CDC42BPG: variants seen among roughly 807,000 people sequenced by gnomAD.
The protein encoded by CDC42BPG is serine/threonine-protein kinase MRCK gamma.
CDC42BPG carries 157 observed loss-of-function variants against 192.2 expected under a neutral mutation model. The ratio of observed to expected loss-of-function variants is 0.82; its 90% CI spans 0.72 to 0.93. The LOEUF is 0.93. CDC42BPG is among the 40% of genes least tolerant of loss of function. The pLI is 0.00. For missense variants in CDC42BPG, 1,992 were observed against 2,122.1 expected (o/e 0.94, Z 1.20); for synonymous variants, 981 against 918.5 (o/e 1.07, Z -1.23).
At chr11:64,830,338 GC>G (rs930290481) in intron 28 of CDC42BPG, 82 bp from the exon 29 acceptor site, 2 of 1,178,176 alleles carry the variant, frequency 1.7e-6, no homozygotes, top group African/African-American at 3.0e-5. Context: ...GCCCTGCTGT[GC>G]CTGTTTATCT....
At chr11:64,829,051 CAAACA>C (rs762921967) in intron 30 of CDC42BPG, among the ~76,000 whole-genome samples, 158 of 151,962 alleles carry the variant, frequency 1.0e-3, no homozygotes, top group Non-Finnish European at 1.8e-3. Context: ...TCCTCTGTCT[CAAACA>C]AAACAAAACA....
At chr11:64,842,628 C>T (rs1271657930) in intron 1 of CDC42BPG, among the ~76,000 whole-genome samples, 2 of 152,212 alleles carry the variant, frequency 1.3e-5, no homozygotes, top group Non-Finnish European at 2.9e-5. Flanking sequence ...TCTCTCACTC[C>T]CAGCCCTGCC....
intron 23 of CDC42BPG, 93 bp from the exon 24 acceptor site, chr11:64,833,429 C>G: frequency 1.0e-6 from 1 of 961,594 alleles, no homozygotes; most frequent in Non-Finnish European, 1.5e-6. Flanking sequence ...AGCCAGGCAA[C>G]AGTGACCTCC....
At chr11:64,836,707 G>GGGT (rs1555173113) in intron 11 of CDC42BPG, 32 bp downstream of exon 11, 9 of 603,792 alleles carry the variant, frequency 1.5e-5, no homozygotes, top group African/African-American at 5.6e-5. Flanking sequence ...ACTCAGCCCT[G>GGGT]GGGGGGGGGG....
Position 64,838,151 on chromosome 11 carries a change from T to C in CDC42BPG, c.1137A>G (p.Pro379=). The change falls in exon 9 of 37, where the codon CCA becomes CCG. Residue 379 remains proline, a synonymous_variant. Transcript: ENST00000342711. Reference sequence around the variant, plus strand: ...CGGAGAAGGCCCCGTGGGAGGGCGGTGGCAGGGTCCCCTGCAGAGGGAGAG... The same window carrying C: ...CGGAGAAGGCCCCGTGGGAGGGCGGCGGCAGGGTCCCCTGCAGAGGGAGAG... ...DDTLNHPGTL[P]PPSHGAFSGH... 6.4e-7 allele frequency: 1 copy of C among 1,552,514 alleles called. No homozygotes were observed. Among genetic ancestry groups the C allele is most frequent in the Non-Finnish European group, 8.7e-7 (1 of 1,148,696 alleles).
At position 64,833,844 on chromosome 11, in the gene CDC42BPG, T is replaced by C; in HGVS notation, c.2467-8A>G. On this transcript the variant is annotated splice_polypyrimidine_tract_variant and splice_region_variant and intron_variant, in intron 21 of 36. Coordinates refer to ENST00000342711, the MANE Select transcript of CDC42BPG (RefSeq NM_017525.3). The stretch of plus-strand genomic sequence containing the variant: ...GTCCTTGGCAGAATCCTTCTGGGGG[T>C]GGGAGAGAGAGGAGCAAAGTCAAGG... The C allele has an allele frequency of 6.2e-7, 1 of 1,614,092 alleles. No individual in the cohort carries two copies. Among genetic ancestry groups the C allele is most frequent in the East Asian group, 2.2e-5 (1 of 44,876 alleles).
intron 36 of CDC42BPG, among the ~76,000 whole-genome samples, chr11:64,826,114 C>T (rs1028524186): frequency 6.6e-6 from 1 of 151,630 alleles, no homozygotes; most frequent in Non-Finnish European, 1.5e-5. Context: ...TTCTGTGGCA[C>T]CTTCCCCATG....
chr11:64,830,428 G>C, intron 28 of CDC42BPG, 172 bp from the exon 29 acceptor site: 3 of 670,036 alleles, frequency 4.5e-6, no homozygotes, highest in Non-Finnish European at 8.0e-6. Context: ...GGCTTTTCCA[G>C]AGGGGTTGGG....
intron 30 of CDC42BPG, among the ~76,000 whole-genome samples, 189 bp from the exon 31 acceptor site, chr11:64,827,972 C>T (rs574922782): frequency 1.3e-5 from 2 of 152,196 alleles, no homozygotes; most frequent in African/African-American, 4.8e-5. Flanking sequence ...ATGCCTGGCT[C>T]AGTTCTAAAC....
Position 64,840,107 on chromosome 11 carries a change from G to C in CDC42BPG, c.581+13C>G, listed in dbSNP as rs751906304. On this transcript the variant is annotated intron_variant, in intron 5 of 36. Coordinates refer to ENST00000342711, the MANE Select transcript of CDC42BPG (RefSeq NM_017525.3). ...CAGCGGGGTTGGGCAGGGCAGCGGG[G>C]TTGGGGCCCCACCTGTGGACATAAC... The C allele has an allele frequency of 2.2e-5, 36 of 1,609,006 alleles. No individual in the cohort carries two copies. Among genetic ancestry groups the C allele is most frequent in the Non-Finnish European group, 3.0e-5 (35 of 1,178,104 alleles).
At chr11:64,836,717 G>GGGGGGGGGGGGA in intron 11 of CDC42BPG, 22 bp downstream of exon 11, 1 of 858,760 alleles carries the variant, frequency 1.2e-6, no homozygotes, top group Non-Finnish European at 1.7e-6. Context: ...GGGGGGGGGG[G>GGGGGGGGGGGGA]GGGGGTGGGC....
Position 64,832,836 on chromosome 11 carries a change from C to A in CDC42BPG, c.2855G>T (p.Gly952Val). 1 of 1,584,414 alleles carries A rather than the reference C, an allele frequency of 6.3e-7. No individual in the cohort carries two copies. Among genetic ancestry groups the A allele is most frequent in the Non-Finnish European group, 8.6e-7 (1 of 1,165,604 alleles). ...TCGGCCCCCACTCACCGACAGAAAG[C>A]CCTCATAGGCAGTGCCTGTGCCTGT... The part of the protein sequence containing the change: ...PETGTGTAYE[G>V]FLSVPRPSGV... The change falls in exon 25 of 37, where the codon GGC (glycine) becomes GTC (valine). Residue 952 changes from glycine (G) to valine (V), a missense_variant. By Grantham distance (109) the Gly-to-Val change is moderately radical. Transcript: ENST00000342711.
intron 34 of CDC42BPG, 115 bp from the exon 35 acceptor site, chr11:64,826,909 T>C (rs1942448692): frequency 7.8e-7 from 1 of 1,278,706 alleles, no homozygotes; most frequent in Non-Finnish European, 1.1e-6. Flanking sequence ...CTGGTTTTAC[T>C]TAAGTCCCAG....
At position 64,829,333 on chromosome 11, in the gene CDC42BPG, CAGGGTGTTGTTGGGCTGG is replaced by C. The variant is rs1942574051; in HGVS notation, c.3967+120_3967+137del. 4.6e-6 allele frequency: 5 copies of C among 1,084,252 alleles called. No homozygotes were observed. The South Asian group carries it at 7.8e-5, about 17-fold the overall frequency. 67.2% of individuals were successfully genotyped at this position (1,084,252 alleles called of 1,614,324 possible). On this transcript the variant is annotated intron_variant, in intron 30 of 36. Transcript: ENST00000342711. The stretch of plus-strand genomic sequence containing the variant: ...CCCCTGCAAGCCACAGAGGGTGGGA[CAGGGTGTTGTTGGGCTGG>C]AGGATGCAAACTGGCACCAAAGGCC...
chr11:64,837,019 A>C lies in CDC42BPG; in HGVS notation c.1206T>G (p.Ser402Arg). The change falls in exon 10 of 37, where the codon AGT (serine) becomes AGG (arginine). Residue 402 changes from serine to arginine, a missense_variant and splice_region_variant. By Grantham distance (110) the Ser-to-Arg change is moderately radical (BLOSUM62 -1). This residue lies in a region of CDC42BPG where 1,656 missense variants were observed against 1,844.3 expected (regional missense o/e 0.90). Coordinates refer to ENST00000342711, the MANE Select transcript of CDC42BPG (RefSeq NM_017525.3). ...CCTCAGAGCTGCTCTCAGGACTGTGACTGTAGGGGGACAGGGGCCATGTTT... is the reference window on the plus strand; with the variant it reads ...CCTCAGAGCTGCTCTCAGGACTGTGCCTGTAGGGGGACAGGGGCCATGTTT... ...PFVGFTYTSG[S>R]HSPESSSEAW... 6.2e-7 allele frequency: 1 copy of C among 1,611,790 alleles called. No individual in the cohort carries two copies.
chr11:64,827,235 G>A (rs1160298881), intron 33 of CDC42BPG, 43 bp downstream of exon 33: 2 of 1,613,228 alleles, frequency 1.2e-6, no homozygotes, highest in Middle Eastern at 1.7e-4. Flanking sequence ...CACAAGCGGA[G>A]GCGGCCCCAC....
intron 4 of CDC42BPG, 31 bp downstream of exon 4, chr11:64,840,522 G>A (rs1239097971): frequency 6.2e-7 from 1 of 1,601,918 alleles, no homozygotes; most frequent in Non-Finnish European, 8.6e-7. Flanking sequence ...TCCCTAGGAT[G>A]TTCCCCTCCA....
At position 64,840,237 on chromosome 11, in the gene CDC42BPG, T is replaced by A; in HGVS notation, c.464A>T (p.Asp155Val). 1 of 1,612,232 alleles carries A rather than the reference T, an allele frequency of 6.2e-7. No individual in the cohort carries two copies. The highest frequency in any genetic ancestry group is 8.5e-7 in the Non-Finnish European group (1 of 1,179,898). The change falls in exon 5 of 37, where the codon GAC becomes GTC. Residue 155 changes from aspartate (D) to valine (V), a missense_variant. Physicochemically the swap from Asp to Val is radical, Grantham distance 152. Transcript: ENST00000342711. Reference sequence around the variant, plus strand: ...GAAGCGGCTCAGCAGCGTCAGGAGGTCCCCACCAGCATAGTAGTCCATCAC... The same window carrying A: ...GAAGCGGCTCAGCAGCGTCAGGAGGACCCCACCAGCATAGTAGTCCATCAC... ...YLVMDYYAGG[D>V]LLTLLSRFED...
Position 64,834,859 on chromosome 11 carries a change from G to A in CDC42BPG, c.2165C>T (p.Ala722Val), listed in dbSNP as rs926969531. Residue 722 changes from alanine to valine, a missense_variant, in exon 18 of 37, where the codon GCC becomes GTC. Ala to Val is a moderately conservative substitution (Grantham distance 64). Around this residue, in one of 2 missense-constraint regions of CDC42BPG, gnomAD observed 1,656 missense variants for 1,844.3 expected, o/e 0.90. Transcript: ENST00000342711. Reference protein sequence around the residue: ...LRNVGTQTLPARPLDHQWKAR... With the variant: ...LRNVGTQTLPVRPLDHQWKAR... ...ATCTCTGGGGCTCACCAGTGGCCGG[G>A]CAGGGAGCGTCTGGGTGCCTACGTT... is the stretch of plus-strand genomic sequence containing the variant. 11 of 1,612,872 alleles carry A rather than the reference G, an allele frequency of 6.8e-6. No individual in the cohort carries two copies. Among genetic ancestry groups the A allele is most frequent in the Non-Finnish European group, 9.3e-6 (11 of 1,179,764 alleles).
Sources: allele counts gnomAD v4.1 joint callset (sites outside exome capture counted in the v4.1 genomes callset), GRCh38; gene constraint gnomAD v4.1.1; regional missense constraint gnomAD v4.1.1; transcripts MANE v1.5; gene names NCBI Gene and HGNC (gene_info 2026-07-23, HGNC 2026-07-21).